RNF123: variants seen among roughly 807,000 people sequenced by gnomAD.
RNF123 encodes the protein ring finger protein 123.
A neutral mutation model predicts 168.5 loss-of-function variants in RNF123; 86 were observed. The observed-to-expected ratio is 0.51, with a 90% CI of 0.43 to 0.61. The LOEUF is 0.61. RNF123 is among the 20% of genes least tolerant of loss of function. RNF123 has a pLI of 0.00. For missense variants in RNF123, 1,419 were observed against 1,729.7 expected, an observed-to-expected ratio of 0.82 and a Z score of 3.19; for synonymous variants, 666 against 689.1, an observed-to-expected ratio of 0.97 and a Z score of 0.52.
rs2054284506 is a variant in RNF123, at chr3:49,697,131, C to T, written c.168-12C>T. On this transcript the variant is annotated splice_polypyrimidine_tract_variant and intron_variant, in intron 3 of 38. Transcript: ENST00000327697. The stretch of plus-strand genomic sequence containing the variant: ...GACTTGTGGACCCCTGGCAGCCTCT[C>T]ACTCTCCCCAGGAAACCCCTGAACT... 1 of 1,611,914 alleles carries T rather than the reference C, an allele frequency of 6.2e-7. No individual in the cohort carries two copies. The highest frequency in any genetic ancestry group is 1.3e-5 in the African/African-American group (1 of 74,872).
chr3:49,704,548 GCCT>G, intron 21 of RNF123, 99 bp from the exon 22 acceptor site: 2 of 958,838 alleles, frequency 2.1e-6, no homozygotes, highest in African/African-American at 1.7e-5. Flanking sequence ...GCTCTGCAAG[GCCT>G]CCTGCCCAGT....
chr3:49,713,168 C>T, intron 27 of RNF123: 4 of 590,270 alleles, frequency 6.8e-6, no homozygotes, highest in East Asian at 2.8e-5. Flanking sequence ...CCCTAGCCTG[C>T]CCCCTGCCCA....
At chr3:49,692,239 C>A (rs1360801634) in intron 3 of RNF123, among the ~76,000 whole-genome samples, 1 of 152,162 alleles carries the variant, frequency 6.6e-6, no homozygotes, top group African/African-American at 2.4e-5. Flanking sequence ...CAGAGCAAGA[C>A]CCTGTCTCTA....
chr3:49,699,397 G>A lies in RNF123; in HGVS notation c.765-71G>A. ...CCCTAGAGCCCAGGCCCCGGGGTGG[G>A]GGGTGGGCAGTGGAGAGGGAGTAGG... On this transcript the variant is annotated intron_variant, in intron 10 of 38. Transcript: ENST00000327697. This position sits in a 1 kb window ranked among gnomAD's most constrained non-coding sequence, Gnocchi z 4.8. 1 of 1,338,540 alleles carries A rather than the reference G, an allele frequency of 7.5e-7. No individual in the cohort carries two copies. The highest frequency in any genetic ancestry group is 1.0e-6 in the Non-Finnish European group (1 of 958,200). 82.9% of individuals were successfully genotyped at this position (1,338,540 alleles called of 1,614,324 possible).
intron 20 of RNF123, 74 bp downstream of exon 20, chr3:49,702,827 A>G: frequency 1.2e-6 from 2 of 1,601,100 alleles, no homozygotes; most frequent in East Asian, 2.2e-5. Context: ...ATGTTAGTGC[A>G]GAGTGCTGAG....
In RNF123 at chr3:49,697,894, C is replaced by T. The variant is rs1428843194; in HGVS notation, c.352C>T (p.His118Tyr). 1 of 1,614,182 alleles carries T rather than the reference C, an allele frequency of 6.2e-7. No homozygotes were observed. Among genetic ancestry groups the T allele is most frequent in the Non-Finnish European group, 8.5e-7 (1 of 1,180,036 alleles). Residue 118 changes from histidine (H) to tyrosine (Y), a missense_variant, in exon 6 of 39, where the codon CAC becomes TAC. Physicochemically the swap from His to Tyr is moderately conservative, Grantham distance 83. Transcript: ENST00000327697. ...CCTCTTCTTCACCCAGGTGATTGGA[C>T]ACAGCAACTTTGGCACCATCCGCTC... is the stretch of plus-strand genomic sequence containing the variant. The part of the protein sequence containing the change: ...VDDDLLGVIG[H>Y]SNFGTIRSTT...
In RNF123 at chr3:49,713,804, T is replaced by C. The variant is rs1384720243; in HGVS notation, c.2816T>C (p.Val939Ala). The change falls in exon 29 of 39, where the codon GTG becomes GCG. Residue 939 changes from valine (V) to alanine (A), a missense_variant. This residue lies in a region of RNF123 where 538 missense variants were observed against 708.8 expected (regional missense o/e 0.76). Coordinates refer to ENST00000327697, the MANE Select transcript of RNF123 (RefSeq NM_022064.5). ...TGCTACCCACACTCCCTGCGGGCTG[T>C]GGAGCGAATCCCCGAGGAGCAGTGA... Reference protein sequence around the residue: ...YVCYPHSLRAVERIPEEQRIA... With the variant: ...YVCYPHSLRAAERIPEEQRIA... 10 of 1,612,784 alleles carry C rather than the reference T, an allele frequency of 6.2e-6. No homozygotes were observed. The highest frequency in any genetic ancestry group is 8.5e-6 in the Non-Finnish European group (10 of 1,179,708).
At chr3:49,708,569 A>G (rs2080079351) in intron 26 of RNF123, among the ~76,000 whole-genome samples, 1 of 152,240 alleles carries the variant, frequency 6.6e-6, no homozygotes, top group Non-Finnish European at 1.5e-5. Flanking sequence ...TTCTGAGGCT[A>G]GCTCAGGTTG....
intron 3 of RNF123, among the ~76,000 whole-genome samples, chr3:49,693,947 A>G (rs1478998138): frequency 6.6e-6 from 1 of 152,102 alleles, no homozygotes; most frequent in Non-Finnish European, 1.5e-5. Flanking sequence ...TTTTGATGGA[A>G]TTATTAGTTT....
rs925480932 is a variant in RNF123 at position 49,720,758 on chromosome 3, T to A, written c.3644-42T>A. The A allele has an allele frequency of 1.9e-6, 3 of 1,612,398 alleles. No individual in the cohort carries two copies. In the Admixed American group the frequency reaches 5.0e-5, roughly 27 times the overall value. On this transcript the variant is annotated intron_variant, in intron 36 of 38. Coordinates refer to ENST00000327697, the MANE Select transcript of RNF123 (RefSeq NM_022064.5). ...CTGGGAATATTCAAGAGGCATCACA[T>A]CCTCAGCTACCTCTGACTTGACACT...
chr3:49,716,965 C>T (rs2080258781), intron 35 of RNF123: 1 of 160,112 alleles, frequency 6.2e-6, no homozygotes, highest in Admixed American at 5.8e-5. Flanking sequence ...CCCTGCCCCC[C>T]TGCAGTGGGA....
rs1457494459 is a variant in RNF123 at position 49,712,451 on chromosome 3, C to T, written c.2497-28C>T. ...CCCCAAGACCCCACTGGTGCGCAAC[C>T]CAGCAGCACCCCGTGTGCCTCCTGC... On this transcript the variant is annotated intron_variant, in intron 26 of 38. Transcript: ENST00000327697. 2.5e-6 allele frequency: 4 copies of T among 1,611,702 alleles called. No homozygotes were observed. In the African/African-American group the frequency reaches 4.0e-5, roughly 16 times the overall value.
Position 49,712,503 on chromosome 3 carries a change from C to A in RNF123, c.2521C>A (p.Leu841Met), listed in dbSNP as rs2080161843. The A allele has an allele frequency of 6.2e-7, 1 of 1,614,142 alleles. No homozygotes were observed. Among genetic ancestry groups the A allele is most frequent in the African/African-American group, 1.3e-5 (1 of 75,066 alleles). The change falls in exon 27 of 39, where the codon CTG (leucine) becomes ATG (methionine). Residue 841 changes from leucine to methionine, a missense_variant. Leu to Met is a conservative substitution (Grantham distance 15). Around this residue, in one of 5 missense-constraint regions of RNF123, gnomAD observed 538 missense variants for 708.8 expected, o/e 0.76. Transcript: ENST00000327697. Reference protein sequence around the residue: ...SQEKMLDIYWLLRVCLRTIEH... With the variant: ...SQEKMLDIYWMLRVCLRTIEH... ...GGAGAAGATGCTGGACATCTACTGG[C>A]TGCTGCGCGTCTGCCTGCGGACCAT...
At chr3:49,705,225 C>T in intron 23 of RNF123, 43 bp downstream of exon 23, 1 of 1,560,974 alleles carries the variant, frequency 6.4e-7, no homozygotes, top group South Asian at 1.2e-5. Context: ...AAGGACCCTT[C>T]CACAGTGTAC....
intron 26 of RNF123, among the ~76,000 whole-genome samples, chr3:49,710,329 G>A (rs1421890801): frequency 6.6e-6 from 1 of 152,168 alleles, no homozygotes; most frequent in Admixed American, 6.5e-5. Context: ...GCACAGGCTG[G>A]AGTGCAGTGG....
chr3:49,701,683 T>C (rs866035749), intron 16 of RNF123, 75 bp downstream of exon 16: 1 of 1,476,080 alleles, frequency 6.8e-7, no homozygotes, highest in Middle Eastern at 1.7e-4. Context: ...ACTGGGCATC[T>C]AGCATGAGGC....
chr3:49,720,347 A>G (rs2080372013), intron 35 of RNF123, 164 bp from the exon 36 acceptor site: 2 of 544,176 alleles, frequency 3.7e-6, no homozygotes, highest in Non-Finnish European at 5.8e-6. Flanking sequence ...GCTGTGTGGC[A>G]CCTTACTAGA....
Position 49,698,466 on chromosome 3 carries a change from C to T in RNF123, c.510C>T (p.Ser170=), listed in dbSNP as rs755018953. 7.4e-6 allele frequency: 12 copies of T among 1,613,826 alleles called. No individual in the cohort carries two copies. The highest frequency in any genetic ancestry group is 6.7e-5 in the East Asian group (3 of 44,902). The change falls in exon 8 of 39, where the codon TCC becomes TCT. Residue 170 remains serine, a synonymous_variant. Coordinates refer to ENST00000327697, the MANE Select transcript of RNF123 (RefSeq NM_022064.5). ...QEEGVGDTHN[S]YAYDGNRVRK... is the part of the protein sequence containing the mutation. ...AGGGGGTTGGAGATACACACAACTCCTATGCCTATGATGGCAACCGCGTGC... is the reference window on the plus strand; with the variant it reads ...AGGGGGTTGGAGATACACACAACTCTTATGCCTATGATGGCAACCGCGTGC...
chr3:49,713,015 CA>C (rs1330844787), intron 27 of RNF123: 1 of 685,584 alleles, frequency 1.5e-6, no homozygotes, highest in East Asian at 2.7e-5. Flanking sequence ...AGCAGTTGGT[CA>C]GGGGCAGAAT....
Sources: gnomAD v4.1 joint callset for allele counts (sites outside exome capture counted in the v4.1 genomes callset) on GRCh38, gnomAD v4.1.1 for gene constraint, gnomAD v4.1.1 regional missense constraint, Gnocchi (gnomAD v3.1) non-coding constraint, MANE v1.5 for transcripts, NCBI Gene and HGNC (gene_info 2026-07-23, HGNC 2026-07-21) for gene names.